The following PDGFC variants were observed in gnomAD, a reference collection of about 807,000 sequenced individuals.
PDGFC encodes the protein platelet-derived growth factor C.
Under a neutral mutation model 35.5 loss-of-function variants are expected in PDGFC, and 12 were observed. The observed-to-expected ratio is 0.34, with a 90% CI of 0.22 to 0.55. The LOEUF (loss-of-function observed/expected upper bound fraction) is 0.55. PDGFC is among the 20% of genes least tolerant of loss of function. PDGFC has a pLI of 0.91. For synonymous variants in PDGFC, 159 were observed against 148.8 expected, an observed-to-expected ratio of 1.07 and a Z score of -0.50; for missense variants, 322 against 412.4, an observed-to-expected ratio of 0.78 and a Z score of 1.90.
chr4:156,862,905 G>A (rs1579062723), intron 1 of PDGFC, among the ~76,000 whole-genome samples: 1 of 152,004 alleles, frequency 6.6e-6, no homozygotes, highest in Non-Finnish European at 1.5e-5. Context: ...ATCTTGGCCA[G>A]GCTGGTCTTG....
At chr4:156,780,266 G>C (rs1730942778) in intron 3 of PDGFC, among the ~76,000 whole-genome samples, 2 of 151,842 alleles carry the variant, frequency 1.3e-5, no homozygotes, top group African/African-American at 2.4e-5. Context: ...GAATACTTGT[G>C]GATTTGCTTT....
intron 2 of PDGFC, among the ~76,000 whole-genome samples, chr4:156,821,169 ATGTGTGTG>A (rs3067734): frequency 2.8e-5 from 4 of 142,608 alleles, no homozygotes; most frequent in Admixed American, 6.9e-5. Flanking sequence ...TGCCTGTTGT[ATGTGTGTG>A]TGTGTGTGTG....
chr4:156,763,492 T>C (rs1018564775), intron 5 of PDGFC, among the ~76,000 whole-genome samples: 1 of 152,218 alleles, frequency 6.6e-6, no homozygotes, highest in Non-Finnish European at 1.5e-5. Flanking sequence ...GCAATTGTTA[T>C]TTTATTTATC....
chr4:156,844,673 T>A (rs555990428), intron 2 of PDGFC, among the ~76,000 whole-genome samples: 2 of 135,726 alleles, frequency 1.5e-5, no homozygotes, highest in African/African-American at 7.6e-5. Flanking sequence ...ATTACTTGAT[T>A]TGCTACATTA....
intron 3 of PDGFC, among the ~76,000 whole-genome samples, chr4:156,800,543 T>C (rs1731573675): frequency 6.6e-6 from 1 of 152,202 alleles, no homozygotes; most frequent in African/African-American, 2.4e-5. Flanking sequence ...ATTACTAAAA[T>C]AGGCAAATTG....
chr4:156,925,696 T>A, intron 1 of PDGFC, among the ~76,000 whole-genome samples: 1 of 151,516 alleles, frequency 6.6e-6, no homozygotes, highest in East Asian at 1.9e-4. Flanking sequence ...CATACAGTAT[T>A]TGAAGGCAAG....
At chr4:156,869,495 G>A (rs1448238200) in intron 1 of PDGFC, among the ~76,000 whole-genome samples, 1 of 151,736 alleles carries the variant, frequency 6.6e-6, no homozygotes. Context: ...TGTTGTTTTT[G>A]CAATTGTCTT....
At chr4:156,937,024 A>G (rs566703449) in intron 1 of PDGFC, among the ~76,000 whole-genome samples, 6 of 152,342 alleles carry the variant, frequency 3.9e-5, no homozygotes, top group African/African-American at 1.4e-4. Context: ...GAACATGTCA[A>G]ACTTGAAGCA....
At chr4:156,826,174 A>ATTTTTTTTTTTTTTTTTT (rs59421806) in intron 2 of PDGFC, among the ~76,000 whole-genome samples, 2 of 43,786 alleles carry the variant, frequency 4.6e-5, no homozygotes, top group African/African-American at 8.1e-5. Flanking sequence ...TTTGAGTTGG[A>ATTTTTTTTTTTTTTTTTT]TTTTTTTTTT....
chr4:156,958,881 T>G (rs1320499582), intron 1 of PDGFC, among the ~76,000 whole-genome samples: 2 of 152,038 alleles, frequency 1.3e-5, no homozygotes, highest in African/African-American at 2.4e-5. Flanking sequence ...CAAATGAATC[T>G]CACACTAGGG....
At chr4:156,840,163 A>C (rs185686879) in intron 2 of PDGFC, among the ~76,000 whole-genome samples, 12 of 152,314 alleles carry the variant, frequency 7.9e-5, no homozygotes, top group African/African-American at 1.9e-4. Flanking sequence ...GTCTCCAGGG[A>C]ATGTCACAGA....
intron 1 of PDGFC, among the ~76,000 whole-genome samples, chr4:156,910,698 A>G (rs1731018286): frequency 6.6e-6 from 1 of 152,152 alleles, no homozygotes; most frequent in African/African-American, 2.4e-5. Flanking sequence ...CCTCACCAGT[A>G]TTTGGCATCA....
At chr4:156,907,677 T>C (rs1477832410) in intron 1 of PDGFC, among the ~76,000 whole-genome samples, 1 of 152,158 alleles carries the variant, frequency 6.6e-6, no homozygotes, top group Non-Finnish European at 1.5e-5. Flanking sequence ...AAGATGGATG[T>C]GGTGGTTACC....
At chr4:156,872,811 T>C (rs1456954784) in intron 1 of PDGFC, among the ~76,000 whole-genome samples, 3 of 152,206 alleles carry the variant, frequency 2.0e-5, no homozygotes, top group Admixed American at 2.0e-4. Context: ...TTTGTATCCA[T>C]AGTCTCTTGT....
intron 1 of PDGFC, among the ~76,000 whole-genome samples, chr4:156,855,396 G>A (rs2111097147): frequency 6.6e-6 from 1 of 152,266 alleles, no homozygotes; most frequent in African/African-American, 2.4e-5. Flanking sequence ...GATTTTAGCA[G>A]AAAAGAAATG....
chr4:156,898,391 G>A (rs116533434), intron 1 of PDGFC, among the ~76,000 whole-genome samples: 272 of 152,252 alleles, frequency 1.8e-3, no homozygotes, highest in African/African-American at 5.7e-3. Context: ...TATTGGAAGT[G>A]ATAACTAATA....
At chr4:156,901,228 T>C (rs1476288252) in intron 1 of PDGFC, among the ~76,000 whole-genome samples, 3 of 152,170 alleles carry the variant, frequency 2.0e-5, no homozygotes, top group Non-Finnish European at 4.4e-5. Flanking sequence ...AAATTGACCA[T>C]GGGTGGCTTT....
At chr4:156,800,654 G>A (rs1431917801) in intron 3 of PDGFC, among the ~76,000 whole-genome samples, 1 of 152,138 alleles carries the variant, frequency 6.6e-6, no homozygotes, top group East Asian at 1.9e-4. Flanking sequence ...TATGAATGAA[G>A]CAGGGTTGGC....
intron 2 of PDGFC, among the ~76,000 whole-genome samples, chr4:156,812,127 G>A (rs1479901954): frequency 6.6e-6 from 1 of 151,638 alleles, no homozygotes; most frequent in African/African-American, 2.4e-5. Flanking sequence ...TCTGTGTTTT[G>A]TTTTAAACTT....
Sources: gnomAD v4.1 joint callset for allele counts (sites outside exome capture counted in the v4.1 genomes callset) on GRCh38, gnomAD v4.1.1 for gene constraint, MANE v1.5 for transcripts, NCBI Gene and HGNC (gene_info 2026-07-23, HGNC 2026-07-21) for gene names.